FKTN: variants seen among roughly 807,000 people sequenced by gnomAD.
FKTN encodes the protein fukutin.
FKTN carries 47 observed loss-of-function variants against 58.6 expected under a neutral mutation model. That is an observed-to-expected ratio of 0.80 (90% CI 0.63 to 1.02). FKTN has a LOEUF of 1.02. FKTN is among the 50% of genes least tolerant of loss of function. The pLI, the probability that FKTN is intolerant of heterozygous loss-of-function variation, is 0.00. For missense variants in FKTN, 516 were observed against 537.3 expected, an observed-to-expected ratio of 0.96 and a Z score of 0.39; for synonymous variants, 178 against 191.9, an observed-to-expected ratio of 0.93 and a Z score of 0.60.
At chr9:105,568,918 A>T (rs1042424881) in intron 1 of FKTN, among the ~76,000 whole-genome samples, 5 of 152,248 alleles carry the variant, frequency 3.3e-5, no homozygotes, top group African/African-American at 1.2e-4. Context: ...GACCGGATTA[A>T]GAAAATGTGG....
intron 4 of FKTN, chr9:105,596,873 G>A: frequency 1.8e-6 from 1 of 569,278 alleles, no homozygotes; most frequent in Non-Finnish European, 3.1e-6. Context: ...AGTAAATATT[G>A]TTACTCTCAA....
intron 7 of FKTN, among the ~76,000 whole-genome samples, chr9:105,610,607 G>GT (rs1408317054): frequency 3.3e-5 from 5 of 151,798 alleles, no homozygotes; most frequent in Non-Finnish European, 7.4e-5. Flanking sequence ...CTGCACACAC[G>GT]TAGAGGCATT....
chr9:105,577,201 T>C (rs1841901375), intron 3 of FKTN, among the ~76,000 whole-genome samples: 1 of 151,032 alleles, frequency 6.6e-6, no homozygotes, highest in Non-Finnish European at 1.5e-5. Context: ...TTTTGTCTTT[T>C]GTTGCTATTG....
chr9:105,630,374 C>G (rs2133379698), intron 10 of FKTN, among the ~76,000 whole-genome samples: 1 of 152,182 alleles, frequency 6.6e-6, no homozygotes. Context: ...AAAATCAACT[C>G]AAAAAGATCT....
chr9:105,579,530 A>G (rs1842444556), intron 3 of FKTN, among the ~76,000 whole-genome samples: 2 of 151,470 alleles, frequency 1.3e-5, no homozygotes, highest in Admixed American at 6.6e-5. Context: ...GGTCTGAGAG[A>G]TAGTTTGTTA....
chr9:105,572,089 G>C lies in FKTN; in HGVS notation c.-180-1566G>C, dbSNP rs947104939. 2.0e-5 allele frequency among the ~76,000 whole-genome samples: 3 copies of C among 152,078 alleles called. No individual in the cohort carries two copies. In the South Asian group the frequency reaches 6.2e-4, roughly 32 times the overall value. On this transcript the variant is annotated intron_variant, in intron 1 of 10. Coordinates refer to ENST00000357998, the MANE Select transcript of FKTN (RefSeq NM_001079802.2). Reference sequence around the variant, plus strand: ...AAAAACTAATACCATCATCAATGTTGATTGATATTGTTTTCACAGTTTTGG... The same window carrying C: ...AAAAACTAATACCATCATCAATGTTCATTGATATTGTTTTCACAGTTTTGG...
Position 105,604,478 on chromosome 9 carries a change from A to G in FKTN, c.633A>G (p.Pro211=). The change falls in exon 6 of 11, where the codon CCA becomes CCG. Residue 211 remains proline (P), a synonymous_variant. Coordinates refer to ENST00000357998, the MANE Select transcript of FKTN (RefSeq NM_001079802.2). ...GAAAGTTACAGTTTGGTCGTTATCCAGGAGCTTTTGACAGGTAAGTTCAGA... is the reference window on the plus strand; with the variant it reads ...GAAAGTTACAGTTTGGTCGTTATCCGGGAGCTTTTGACAGGTAAGTTCAGA... ...PFRKLQFGRY[P]GAFDRPELQQ... 6.2e-7 allele frequency: 1 copy of G among 1,614,108 alleles called. No homozygotes were observed. Among genetic ancestry groups the G allele is most frequent in the Non-Finnish European group, 8.5e-7 (1 of 1,179,930 alleles).
chr9:105,601,019 A>G (rs1827778837), intron 4 of FKTN, 126 bp from the exon 5 acceptor site: 2 of 643,136 alleles, frequency 3.1e-6, no homozygotes, highest in Non-Finnish European at 5.6e-6. Context: ...TTTTAGCACA[A>G]TGATAAGCAT....
chr9:105,561,096 AAAAAAACAAAAC>A (rs1838218035), intron 1 of FKTN, among the ~76,000 whole-genome samples: 1 of 150,272 alleles, frequency 6.7e-6, no homozygotes, highest in Non-Finnish European at 1.5e-5. Context: ...AAAAACAAAA[AAAAAAACAAAAC>A]AAAAAACAAA....
rs994002473 is a variant in FKTN at position 105,638,390 on chromosome 9, C to G, written c.*3126C>G. On this transcript the variant is annotated 3_prime_UTR_variant, in exon 11 of 11. Transcript: ENST00000357998. ...CAGAATTCTTAGGCAACCTTCATAC[C>G]TTTATCTGGAAAATGCCTTCTCTCC... is the stretch of plus-strand genomic sequence containing the variant. 96 of 985,322 alleles carry G rather than the reference C, an allele frequency of 9.7e-5. No individual in the cohort carries two copies. The African/African-American group carries it at 1.6e-3, about 16-fold the overall frequency. 61.0% of individuals were successfully genotyped at this position (985,322 alleles called of 1,614,324 possible). A position where few individuals can be genotyped will look rare whatever the true frequency, so the allele number is the denominator to read the frequency against.
At chr9:105,563,056 T>G (rs1838597665) in intron 1 of FKTN, among the ~76,000 whole-genome samples, 2 of 151,896 alleles carry the variant, frequency 1.3e-5, no homozygotes, top group South Asian at 4.2e-4. Flanking sequence ...CTCAAAAGAG[T>G]GGGGTCTGGG....
intron 1 of FKTN, among the ~76,000 whole-genome samples, chr9:105,559,032 G>A (rs776924726): frequency 6.6e-6 from 1 of 152,222 alleles, no homozygotes; most frequent in Non-Finnish European, 1.5e-5. Flanking sequence ...AGGAACCGGG[G>A]AAATGCCGAA....
intron 3 of FKTN, among the ~76,000 whole-genome samples, chr9:105,592,869 C>T (rs918557660): frequency 6.6e-6 from 1 of 152,188 alleles, no homozygotes; most frequent in Non-Finnish European, 1.5e-5. Context: ...CACAACCATT[C>T]AACAAGTCTC....
chr9:105,586,324 A>G (rs147650469), intron 3 of FKTN, among the ~76,000 whole-genome samples: 1 of 152,320 alleles, frequency 6.6e-6, no homozygotes, highest in East Asian at 1.9e-4. Context: ...TGGATATACA[A>G]ACTCCTTTAG....
Position 105,604,424 on chromosome 9 carries a change from A to T in FKTN, c.579A>T (p.Glu193Asp). 1 of 1,614,124 alleles carries T rather than the reference A, an allele frequency of 6.2e-7. No individual in the cohort carries two copies. The highest frequency in any genetic ancestry group is 8.5e-7 in the Non-Finnish European group (1 of 1,179,964). Residue 193 changes from glutamate to aspartate, a missense_variant, in exon 6 of 11, where the codon GAA (glutamate) becomes GAT (aspartate). Transcript: ENST00000357998. The part of the protein sequence containing the change: ...YLWHGHLRLK[E>D]HIDRKFVPFR... The stretch of plus-strand genomic sequence containing the variant: ...GGCACGGCCACTTGAGACTTAAAGA[A>T]CACATTGACAGGAAATTTGTTCCCT...
chr9:105,573,627 CA>C lies in FKTN; in HGVS notation c.-180-15del, dbSNP rs796889209. On this transcript the variant is annotated intron_variant, in intron 1 of 10. Transcript: ENST00000357998. ...TGGACGACAAAGTGAGACCCTGTCT[CA>C]AAAAAAAAAAAATCTTTATTCTACA... 1,510 of 134,948 alleles carry C rather than the reference CA, an allele frequency of 0.011. 11 individuals carry two copies. The highest frequency in any genetic ancestry group is 0.029 in the Middle Eastern group (8 of 276). 8.4% of individuals were successfully genotyped at this position (134,948 alleles called of 1,614,324 possible). A position where few individuals can be genotyped will look rare whatever the true frequency, so the allele number is the denominator to read the frequency against.
intron 7 of FKTN, among the ~76,000 whole-genome samples, chr9:105,609,200 G>A (rs1274621056): frequency 1.3e-5 from 2 of 152,080 alleles, no homozygotes; most frequent in African/African-American, 2.4e-5. Context: ...ACTTGATGGC[G>A]CCAAACAGTC....
chr9:105,604,298 C>G lies in FKTN; in HGVS notation c.453C>G (p.Asp151Glu). ...ESKDPRLDGIDSLSGTEIPLH... is the reference protein window; with the variant it reads ...ESKDPRLDGIESLSGTEIPLH... ...AAGATCCCCGGCTAGACGGGATAGACTCACTCTCTGGAACTGAAATCCCCC... is the reference window on the plus strand; with the variant it reads ...AAGATCCCCGGCTAGACGGGATAGAGTCACTCTCTGGAACTGAAATCCCCC... Residue 151 changes from aspartate (D) to glutamate (E), a missense_variant, in exon 6 of 11, where the codon GAC (aspartate) becomes GAG (glutamate). Transcript: ENST00000357998. The G allele has an allele frequency of 6.2e-7, 1 of 1,613,648 alleles. No individual in the cohort carries two copies. Among genetic ancestry groups the G allele is most frequent in the Non-Finnish European group, 8.5e-7 (1 of 1,179,736 alleles).
intron 1 of FKTN, among the ~76,000 whole-genome samples, chr9:105,570,152 T>A (rs188021736): frequency 6.6e-5 from 10 of 152,230 alleles, no homozygotes; most frequent in Admixed American, 2.0e-4. Context: ...CTTTTTTTTT[T>A]ATATTTCAAA....
Sources: gnomAD v4.1 joint callset for allele counts (sites outside exome capture counted in the v4.1 genomes callset) on GRCh38, gnomAD v4.1.1 for gene constraint, MANE v1.5 for transcripts, NCBI Gene and HGNC (gene_info 2026-07-23, HGNC 2026-07-21) for gene names.